The following CNTLN variants were observed in gnomAD, a reference collection of about 807,000 sequenced individuals.
CNTLN encodes the protein centlein, also known as centlein, centrosomal protein.
Under a neutral mutation model 180.0 loss-of-function variants are expected in CNTLN, and 212 were observed. The observed-to-expected ratio is 1.18, with a 90% CI of 1.05 to 1.32. The LOEUF (loss-of-function observed/expected upper bound fraction) is 1.32, where lower values mean the gene tolerates loss of function less well. Ranked by LOEUF, CNTLN falls within the 40% of genes most tolerant of loss-of-function variation. CNTLN has a pLI of 0.00. For missense variants in CNTLN, 2,095 were observed against 1,610.9 expected, an observed-to-expected ratio of 1.30 and a Z score of -5.14; for synonymous variants, 722 against 563.1, an observed-to-expected ratio of 1.28 and a Z score of -3.99.
chr9:17,148,014 C>T (rs1285765262), intron 2 of CNTLN, among the ~76,000 whole-genome samples: 1 of 152,118 alleles, frequency 6.6e-6, no homozygotes, highest in African/African-American at 2.4e-5. Context: ...TTTGGACTGT[C>T]TGTGTAGATG....
intron 2 of CNTLN, among the ~76,000 whole-genome samples, chr9:17,219,783 C>T (rs531987881): frequency 6.6e-6 from 1 of 152,158 alleles, no homozygotes; most frequent in African/African-American, 2.4e-5. Context: ...CATTTATTCT[C>T]ATGGTTCCAG....
intron 25 of CNTLN, among the ~76,000 whole-genome samples, chr9:17,501,423 T>C (rs985779094): frequency 2.0e-5 from 3 of 152,248 alleles, no homozygotes; most frequent in Non-Finnish European, 2.9e-5. Flanking sequence ...CTGCCTGCTC[T>C]TTAGTTCTAC....
chr9:17,164,291 A>G (rs1256229147), intron 2 of CNTLN, among the ~76,000 whole-genome samples: 1 of 142,722 alleles, frequency 7.0e-6, no homozygotes, highest in Admixed American at 7.2e-5. Context: ...CAGCCTGGGC[A>G]GCAGAGTGAG....
intron 2 of CNTLN, among the ~76,000 whole-genome samples, chr9:17,180,831 G>A (rs540999849): frequency 5.9e-5 from 9 of 151,922 alleles, no homozygotes; most frequent in Admixed American, 1.3e-4. Flanking sequence ...AGAATTGTGC[G>A]TTGATTCTTT....
At chr9:17,148,692 AT>A (rs1563821544) in intron 2 of CNTLN, among the ~76,000 whole-genome samples, 1 of 152,240 alleles carries the variant, frequency 6.6e-6, no homozygotes, top group East Asian at 1.9e-4. Flanking sequence ...TGTTTATAGT[AT>A]AAGAGCTGAA....
At chr9:17,291,799 A>G (rs1829429972) in intron 6 of CNTLN, among the ~76,000 whole-genome samples, 1 of 152,210 alleles carries the variant, frequency 6.6e-6, no homozygotes, top group Admixed American at 6.5e-5. Flanking sequence ...CATTTAGCCC[A>G]TTTACATTTA....
intron 14 of CNTLN, among the ~76,000 whole-genome samples, chr9:17,393,776 A>G (rs910651050): frequency 2.6e-5 from 4 of 152,206 alleles, no homozygotes; most frequent in African/African-American, 9.6e-5. Context: ...GTTTGAAATT[A>G]TGAACTAGAA....
At chr9:17,353,713 C>T (rs1287963692) in intron 12 of CNTLN, among the ~76,000 whole-genome samples, 1 of 151,984 alleles carries the variant, frequency 6.6e-6, no homozygotes, top group African/African-American at 2.4e-5. Context: ...AATTATCCTG[C>T]CTCAGCTTCC....
intron 12 of CNTLN, among the ~76,000 whole-genome samples, chr9:17,359,734 A>AAAAAAAAAACAAAAAAAAAAC (rs1823176864): frequency 8.7e-6 from 1 of 114,438 alleles, no homozygotes; most frequent in Non-Finnish European, 1.9e-5. Context: ...ACAAAAAAAA[A>AAAAAAAAAACAAAAAAAAAAC]AAAAAAAAAA....
chr9:17,411,937 G>A (rs1045270752), intron 16 of CNTLN, among the ~76,000 whole-genome samples: 3 of 152,146 alleles, frequency 2.0e-5, no homozygotes, highest in Non-Finnish European at 4.4e-5. Flanking sequence ...GCATTGAAAT[G>A]CCTTTCCCTT....
chr9:17,177,388 G>A (rs1041465744), intron 2 of CNTLN, among the ~76,000 whole-genome samples: 1 of 151,680 alleles, frequency 6.6e-6, no homozygotes, highest in Non-Finnish European at 1.5e-5. Context: ...CAGCCTGGGC[G>A]ACAGAACAAG....
chr9:17,403,806 C>T (rs983518175), intron 15 of CNTLN, among the ~76,000 whole-genome samples: 14 of 151,692 alleles, frequency 9.2e-5, no homozygotes, highest in African/African-American at 1.5e-4. Flanking sequence ...GACAGAGTCT[C>T]GCTCTGTTGC....
chr9:17,261,910 C>T (rs1258438332), intron 5 of CNTLN, among the ~76,000 whole-genome samples: 8 of 151,404 alleles, frequency 5.3e-5, no homozygotes, highest in South Asian at 2.1e-4. Context: ...AAAAAGTAGG[C>T]GAAGGACATG....
rs1372898505 is a variant in CNTLN, at chr9:17,502,551, C to T, written c.4120C>T (p.Leu1374Phe). Residue 1374 changes from leucine to phenylalanine, a missense_variant and splice_region_variant, in exon 26 of 26, where the codon CTT becomes TTT. Leu to Phe is a conservative substitution (Grantham distance 22). Coordinates refer to ENST00000380647, the MANE Select transcript of CNTLN (RefSeq NM_017738.4). ...LYIQKLLEGQLPFASYLLEAV... is the reference protein window; with the variant it reads ...LYIQKLLEGQFPFASYLLEAV... ...AATCTTTTTTGTGTTTCTTTTACAG[C>T]TTCCTTTTGCCTCATATTTACTAGA... The T allele has an allele frequency of 3.0e-6, 4 of 1,332,870 alleles. No individual in the cohort carries two copies. Among genetic ancestry groups the T allele is most frequent in the Non-Finnish European group, 4.1e-6 (4 of 966,954 alleles). 82.6% of individuals were successfully genotyped at this position (1,332,870 alleles called of 1,614,324 possible).
intron 18 of CNTLN, chr9:17,447,142 C>A: frequency 4.6e-6 from 1 of 217,702 alleles, no homozygotes; most frequent in South Asian, 8.3e-5. Flanking sequence ...GCTGCGGTGT[C>A]AGCTACAGGA....
chr9:17,302,574 G>A (rs972349985), intron 7 of CNTLN, among the ~76,000 whole-genome samples: 1 of 151,932 alleles, frequency 6.6e-6, no homozygotes, highest in African/African-American at 2.4e-5. Flanking sequence ...CGGGGGTCAT[G>A]GATTCTAAGG....
At position 17,359,524 on chromosome 9, in the gene CNTLN, A is replaced by G. The variant is rs114257917; in HGVS notation, c.1887-7093A>G. On this transcript the variant is annotated intron_variant, in intron 12 of 25. Coordinates refer to ENST00000380647, the MANE Select transcript of CNTLN (RefSeq NM_017738.4). ...ATATATGAAGAATTCCTGTGACTAA[A>G]TAAGAAAAGGACAGTCAACCCAATA... 6.8e-3 allele frequency among the ~76,000 whole-genome samples: 1,034 copies of G among 151,718 alleles called. 12 individuals are homozygous for G. The highest frequency in any genetic ancestry group is 0.024 in the African/African-American group (976 of 41,358).
At chr9:17,179,290 A>T (rs920770410) in intron 2 of CNTLN, among the ~76,000 whole-genome samples, 2 of 149,666 alleles carry the variant, frequency 1.3e-5, no homozygotes, top group African/African-American at 4.9e-5. Context: ...TTGATTTGAG[A>T]TTTTTCCTGT....
intron 12 of CNTLN, 52 bp downstream of exon 12, chr9:17,342,496 T>G: frequency 2.7e-6 from 4 of 1,499,864 alleles, no homozygotes; most frequent in Non-Finnish European, 3.6e-6. Flanking sequence ...TGGGAGAAAT[T>G]TTTTCATGGC....
Sources: allele counts gnomAD v4.1 joint callset (sites outside exome capture counted in the v4.1 genomes callset), GRCh38; gene constraint gnomAD v4.1.1; transcripts MANE v1.5; gene names NCBI Gene and HGNC (gene_info 2026-07-23, HGNC 2026-07-21).